Variants in TNS1 observed in about 807,000 individuals in gnomAD.
TNS1 encodes the protein tensin-1.
Under a neutral mutation model 168.6 loss-of-function variants are expected in TNS1, and 62 were observed. The observed-to-expected ratio is 0.37, with a 90% confidence interval of 0.30 to 0.45. The LOEUF (loss-of-function observed/expected upper bound fraction) is 0.45, where lower values mean the gene tolerates loss of function less well. TNS1 is among the 20% of genes least tolerant of loss of function. The pLI, the probability that TNS1 is intolerant of heterozygous loss-of-function variation, is 1.00. For synonymous variants in TNS1, 934 were observed against 933.2 expected (o/e 1.00, Z -0.02); for missense variants, 2,240 against 2,339.4 (o/e 0.96, Z 0.88).
At chr2:217,884,322 A>G (rs993967760) in intron 16 of TNS1, among the ~76,000 whole-genome samples, 6 of 151,104 alleles carry the variant, frequency 4.0e-5, no homozygotes, top group African/African-American at 1.5e-4. Flanking sequence ...CGGATGGATG[A>G]ATGGATGGAT....
upstream of TNS1, among the ~76,000 whole-genome samples, chr2:218,003,213 G>A (rs183167402): frequency 0.017 from 1,382 of 80,830 alleles, 11 homozygotes; most frequent in Non-Finnish European, 0.026. Context: ...CCCCACCCCC[G>A]GACACACAAC....
chr2:217,892,539 G>A (rs568421466), intron 11 of TNS1, among the ~76,000 whole-genome samples: 7 of 152,348 alleles, frequency 4.6e-5, no homozygotes, highest in Non-Finnish European at 7.3e-5. Flanking sequence ...GGGCCCTGTT[G>A]TCCAGAGGCA....
intron 2 of TNS1, among the ~76,000 whole-genome samples, chr2:217,980,506 CAGAGAGAGAGAGAGAG>C (rs3842558): frequency 6.8e-5 from 8 of 117,620 alleles, no homozygotes; most frequent in East Asian, 2.1e-4. Context: ...TACACACACA[CAGAGAGAGAGAGAGAG>C]AGAGAGAGAG....
intron 3 of TNS1, among the ~76,000 whole-genome samples, chr2:217,958,581 C>G (rs989344130): frequency 6.6e-6 from 1 of 152,212 alleles, no homozygotes; most frequent in Non-Finnish European, 1.5e-5. Context: ...CCCCACATAG[C>G]CCTCATGGGT....
At chr2:217,933,316 A>G (rs1216879754) in intron 3 of TNS1, among the ~76,000 whole-genome samples, 1 of 152,216 alleles carries the variant, frequency 6.6e-6, no homozygotes, top group African/African-American at 2.4e-5. Context: ...CGGATAGAAG[A>G]CAAAGCTGGC....
intron 18 of TNS1, among the ~76,000 whole-genome samples, chr2:217,874,003 A>AC (rs1237502418): frequency 3.8e-5 from 4 of 106,272 alleles, no homozygotes; most frequent in African/African-American, 1.1e-4. Context: ...CACCACCACC[A>AC]CCACCCCCGC....
intron 4 of TNS1, among the ~76,000 whole-genome samples, chr2:217,910,652 C>T (rs991324864): frequency 6.6e-6 from 1 of 151,360 alleles, no homozygotes; most frequent in South Asian, 2.1e-4. Context: ...GAACCAAAGC[C>T]CCTGACCTTC....
intron 6 of TNS1, among the ~76,000 whole-genome samples, chr2:217,904,942 C>A (rs978763205): frequency 4.6e-5 from 7 of 152,196 alleles, no homozygotes; most frequent in African/African-American, 1.7e-4. Flanking sequence ...CAGACCCCAG[C>A]AGCAGTCCCA....
intron 16 of TNS1, among the ~76,000 whole-genome samples, chr2:217,883,616 C>T (rs1950888482): frequency 6.6e-6 from 1 of 152,232 alleles, no homozygotes; most frequent in Admixed American, 6.5e-5. Flanking sequence ...CTGACTCCCA[C>T]TACGTAAGAG....
chr2:218,015,023 C>G (rs1438222650), upstream of TNS1, among the ~76,000 whole-genome samples: 1 of 152,178 alleles, frequency 6.6e-6, no homozygotes, highest in Non-Finnish European at 1.5e-5. Flanking sequence ...TAGGAATTGC[C>G]ATTTTCAGGG....
chr2:217,946,020 C>T (rs1424098615), intron 3 of TNS1, among the ~76,000 whole-genome samples: 2 of 152,168 alleles, frequency 1.3e-5, no homozygotes, highest in Non-Finnish European at 2.9e-5. Context: ...CCGTATTATC[C>T]CAACGGACAT....
At chr2:217,809,452 GATGGATGC>G (rs1940220553) in intron 30 of TNS1, among the ~76,000 whole-genome samples, 3 of 114,562 alleles carry the variant, frequency 2.6e-5, no homozygotes, top group Admixed American at 8.6e-5. Flanking sequence ...TGGATGGATG[GATGGATGC>G]ATGGATGGAT....
Position 217,909,049 on chromosome 2 carries a change from C to T in TNS1, c.229-1798G>A, listed in dbSNP as rs375582440. On this transcript the variant is annotated intron_variant, in intron 4 of 32. Coordinates refer to ENST00000682258, the MANE Select transcript of TNS1 (RefSeq NM_001387777.1). ...ATTAGGACCAGGTGCTCCCCTCAGC[C>T]GCCAACAACCCAGCCCCACCCACCC... is the stretch of plus-strand genomic sequence containing the variant. Among the ~76,000 whole-genome samples, 13 of 151,964 alleles carry T rather than the reference C, an allele frequency of 8.6e-5. No individual in the cohort carries two copies. In the South Asian group the frequency reaches 1.0e-3, roughly 12 times the overall value.
rs1559149774 is a variant in TNS1, at chr2:217,813,398, C to T, written c.4862-91G>A. The stretch of plus-strand genomic sequence containing the variant: ...ACTGCTTCAAAACTTCCGCAGTGTG[C>T]GGGGCCAAGATGGGAGAAATGACTG... On this transcript the variant is annotated intron_variant, in intron 26 of 32. Coordinates refer to ENST00000682258, the MANE Select transcript of TNS1 (RefSeq NM_001387777.1). This position sits in a 1 kb window ranked among gnomAD's most constrained non-coding sequence, Gnocchi z 4.0. 13 of 1,153,278 alleles carry T rather than the reference C, an allele frequency of 1.1e-5. No homozygotes were observed. Among genetic ancestry groups the T allele is most frequent in the East Asian group, 5.1e-5 (2 of 38,912 alleles). The allele number at this position is 1,153,278 out of a possible 1,614,324, so 71.4% of individuals were successfully genotyped here. A position where few individuals can be genotyped will look rare whatever the true frequency, so the allele number is the denominator to read the frequency against.
At chr2:217,922,838 G>C (rs115921911) in intron 3 of TNS1, among the ~76,000 whole-genome samples, 2,008 of 152,350 alleles carry the variant, frequency 0.013, 51 homozygotes, top group African/African-American at 0.045. Flanking sequence ...TGCCACCCCC[G>C]ACGGCGTCCT....
intron 3 of TNS1, among the ~76,000 whole-genome samples, chr2:217,926,413 T>TCATC (rs1260263490): frequency 4.6e-5 from 7 of 152,204 alleles, no homozygotes; most frequent in Non-Finnish European, 1.0e-4. Context: ...GTTTTTCTAT[T>TCATC]CATCCATCCA....
upstream of TNS1, among the ~76,000 whole-genome samples, chr2:218,005,451 C>T (rs1958649610): frequency 6.6e-6 from 1 of 152,234 alleles, no homozygotes; most frequent in African/African-American, 2.4e-5. Flanking sequence ...TATGGGGTCT[C>T]TCCTGTATAT....
intron 11 of TNS1, among the ~76,000 whole-genome samples, 162 bp from the exon 12 acceptor site, chr2:217,891,207 A>G (rs752071110): frequency 3.3e-5 from 5 of 152,196 alleles, no homozygotes; most frequent in Non-Finnish European, 7.3e-5. Context: ...TGTGCCGAGA[A>G]GCTTTCAGGA....
At chr2:217,869,592 G>A (rs1005152007) in intron 18 of TNS1, among the ~76,000 whole-genome samples, 20 of 152,144 alleles carry the variant, frequency 1.3e-4, no homozygotes, top group Non-Finnish European at 2.1e-4. Flanking sequence ...CTCCCCAGGC[G>A]GCCACATGGG....
Sources: gnomAD v4.1 joint callset for allele counts (sites outside exome capture counted in the v4.1 genomes callset) on GRCh38, gnomAD v4.1.1 for gene constraint, Gnocchi (gnomAD v3.1) non-coding constraint, MANE v1.5 for transcripts, NCBI Gene and HGNC (gene_info 2026-07-23, HGNC 2026-07-21) for gene names.